Variants in CHML observed in about 807,000 individuals in gnomAD.
CHML encodes CHM like Rab escort protein, also known as rab proteins geranylgeranyltransferase component A 2.
Under a neutral mutation model 30.4 loss-of-function variants are expected in CHML, and 20 were observed. The observed-to-expected ratio is 0.66, with a 90% CI of 0.46 to 0.95. CHML has a LOEUF of 0.95. Ranked by LOEUF, CHML falls within the 40% of genes least tolerant of loss-of-function variation. The probability of loss-of-function intolerance (pLI) is 0.00; values close to 1 mark genes in which losing one functional copy is unlikely to be tolerated. For synonymous variants in CHML, 281 were observed against 275.0 expected, an observed-to-expected ratio of 1.02 and a Z score of -0.22; for missense variants, 795 against 768.5, an observed-to-expected ratio of 1.03 and a Z score of -0.41.
rs1664581302 is a variant in CHML, at chr1:241,630,338, G to A, written c.*3458C>T. ...AGCTCTTTAAACTTGCTTCTATTTA[G>A]GCATCTTTCTTAATTTATCTCTATG... is the stretch of plus-strand genomic sequence containing the variant. On this transcript the variant is annotated 3_prime_UTR_variant, in exon 2 of 2. Transcript: ENST00000366553. 6.6e-6 allele frequency: 1 copy of A among 151,894 alleles called. No homozygotes were observed. The highest frequency in any genetic ancestry group is 2.4e-5 in the African/African-American group (1 of 41,382). The allele number at this position is 151,894 out of a possible 1,614,324, so 9.4% of individuals were successfully genotyped here.
chr1:241,640,075 C>G lies in CHML; in HGVS notation c.-501G>C, dbSNP rs778664915. On this transcript the variant is annotated 5_prime_UTR_variant, in exon 1 of 2. Transcript: ENST00000366553. ...ACTTGTAGTAGAGGACGAGCACCAG[C>G]AGGTTGTTGCCGACGCCCAGCAGCC... 6.2e-7 allele frequency: 1 copy of G among 1,611,112 alleles called. No individual in the cohort carries two copies. Among genetic ancestry groups the G allele is most frequent in the Non-Finnish European group, 8.5e-7 (1 of 1,178,920 alleles).
Position 241,640,230 on chromosome 1 carries a change from C to G in CHML, c.-656G>C. 1 of 1,324,030 alleles carries G rather than the reference C, an allele frequency of 7.6e-7. No individual in the cohort carries two copies. Among genetic ancestry groups the G allele is most frequent in the Non-Finnish European group, 9.6e-7 (1 of 1,044,436 alleles). The allele number at this position is 1,324,030 out of a possible 1,614,324, so 82.0% of individuals were successfully genotyped here. ...CCGCCGCCGTCCCAGTAGCCGTGGCCGCCGCTGCGGTTCCCCGAGTACATG... is the reference window on the plus strand; with the variant it reads ...CCGCCGCCGTCCCAGTAGCCGTGGCGGCCGCTGCGGTTCCCCGAGTACATG... On this transcript the variant is annotated 5_prime_UTR_variant, in exon 1 of 2. Coordinates refer to ENST00000366553, the MANE Select transcript of CHML (RefSeq NM_001381853.1).
Position 241,634,270 on chromosome 1 carries a change from C to G in CHML, c.1497G>C (p.Met499Ile). ...VRVTELCSST[M>I]TCMKDTYLVH... ...CCAGATAGGTGTCCTTCATGCATGT[C>G]ATGGTTGAAGAACATAATTCTGTGA... Residue 499 changes from methionine (M) to isoleucine (I), a missense_variant, in exon 2 of 2, where the codon ATG becomes ATC. Coordinates refer to ENST00000366553, the MANE Select transcript of CHML (RefSeq NM_001381853.1). The G allele has an allele frequency of 6.2e-7, 1 of 1,613,908 alleles. No individual in the cohort carries two copies. The highest frequency in any genetic ancestry group is 1.7e-5 in the Admixed American group (1 of 60,010).
rs1023375387 is a variant in CHML at position 241,632,099 on chromosome 1, T to A, written c.*1697A>T. ...GTTGTGGGAGGAACCTGGTGGGAGA[T>A]AACTGAATCATGGAGTTGTTTCCCC... On this transcript the variant is annotated 3_prime_UTR_variant, in exon 2 of 2. Coordinates refer to ENST00000366553, the MANE Select transcript of CHML (RefSeq NM_001381853.1). 6.6e-6 allele frequency: 1 copy of A among 152,180 alleles called. No individual in the cohort carries two copies. The highest frequency in any genetic ancestry group is 1.5e-5 in the Non-Finnish European group (1 of 68,028). The allele number at this position is 152,180 out of a possible 1,614,324, so 9.4% of individuals were successfully genotyped here. A position where few individuals can be genotyped will look rare whatever the true frequency, so the allele number is the denominator to read the frequency against.
Position 241,634,630 on chromosome 1 carries a change from C to G in CHML, c.1137G>C (p.Leu379Phe). ...CCTGGGGAATTTCTCCTTGGCCATA[C>G]AAGGGAAATAAAAAGGGGGTGTTGC... Reference protein sequence around the residue: ...RFGNTPFLFPLYGQGEIPQGF... With the variant: ...RFGNTPFLFPFYGQGEIPQGF... The change falls in exon 2 of 2, where the codon TTG (leucine) becomes TTC (phenylalanine). Residue 379 changes from leucine to phenylalanine, a missense_variant. By Grantham distance (22) the Leu-to-Phe change is conservative. Transcript: ENST00000366553. 3.1e-6 allele frequency: 5 copies of G among 1,613,826 alleles called. No individual in the cohort carries two copies. Among genetic ancestry groups the G allele is most frequent in the Non-Finnish European group, 3.4e-6 (4 of 1,179,898 alleles).
chr1:241,635,052 ACAG>A lies in CHML; in HGVS notation c.712_714del (p.Leu238del), dbSNP rs1453346640. 3 of 1,613,182 alleles carry A rather than the reference ACAG, an allele frequency of 1.9e-6. No individual in the cohort carries two copies. The highest frequency in any genetic ancestry group is 2.5e-6 in the Non-Finnish European group (3 of 1,179,794). On this transcript the variant is annotated inframe_deletion, in exon 2 of 2. Transcript: ENST00000366553. ...AGATCAATTAGCAATCCTTGAGAAT[ACAG>A]CAGTTTTGACACCAAATCAATATTA...
intron 1 of CHML, 21 bp downstream of exon 1, chr1:241,639,861 C>G (rs1287766434): frequency 1.3e-6 from 2 of 1,512,384 alleles, no homozygotes; most frequent in Non-Finnish European, 1.8e-6. Flanking sequence ...GGGGAGGCTG[C>G]CTTCTCCCAG....
chr1:241,640,037 C>T lies in CHML; in HGVS notation c.-463G>A, dbSNP rs1286795741. 5 of 1,613,012 alleles carry T rather than the reference C, an allele frequency of 3.1e-6. No homozygotes were observed. The highest frequency in any genetic ancestry group is 2.5e-6 in the Non-Finnish European group (3 of 1,179,546). On this transcript the variant is annotated 5_prime_UTR_variant, in exon 1 of 2. Coordinates refer to ENST00000366553, the MANE Select transcript of CHML (RefSeq NM_001381853.1). The stretch of plus-strand genomic sequence containing the variant: ...GACCAGGAGGAGGTGAGTGGGAGTG[C>T]GGAGCCGCTGGAACTTGTAGTAGAG...
chr1:241,634,403 G>C lies in CHML; in HGVS notation c.1364C>G (p.Ser455Cys). Residue 455 changes from serine to cysteine, a missense_variant, in exon 2 of 2, where the codon TCT becomes TGT. Ser to Cys is a moderately radical substitution (Grantham distance 112). Transcript: ENST00000366553. The part of the protein sequence containing the change: ...TCSNVQYKQI[S>C]RAVLITDQSI... ...CTGATCTGTAATGAGTACTGCCCTAGAGATCTGCTTATACTGCACATTTGA... is the reference window on the plus strand; with the variant it reads ...CTGATCTGTAATGAGTACTGCCCTACAGATCTGCTTATACTGCACATTTGA... The C allele has an allele frequency of 6.2e-7, 1 of 1,613,776 alleles. No individual in the cohort carries two copies. The highest frequency in any genetic ancestry group is 8.5e-7 in the Non-Finnish European group (1 of 1,179,896).
In CHML at chr1:241,631,889, A is replaced by C. The variant is rs2148023215; in HGVS notation, c.*1907T>G. The C allele has an allele frequency of 1.3e-5, 2 of 152,244 alleles. 1 individual carries two copies. The highest frequency in any genetic ancestry group is 4.1e-4 in the South Asian group (2 of 4,826). 9.4% of individuals were successfully genotyped at this position (152,244 alleles called of 1,614,324 possible). A position where few individuals can be genotyped will look rare whatever the true frequency, so the allele number is the denominator to read the frequency against. On this transcript the variant is annotated 3_prime_UTR_variant, in exon 2 of 2. Transcript: ENST00000366553. Reference sequence around the variant, plus strand: ...GCAGCGCCTACACTCTCTAACAGTGAATGTTAGTAGAAAGATCAAAGGTTT... The same window carrying C: ...GCAGCGCCTACACTCTCTAACAGTGCATGTTAGTAGAAAGATCAAAGGTTT...
At position 241,635,090 on chromosome 1, in the gene CHML, C is replaced by A; in HGVS notation, c.677G>T (p.Gly226Val). ...CACCAAATCAATATTAAACCTCCTGCCTTCTTTAACTATTTGAGAGTAAGT... is the reference window on the plus strand; with the variant it reads ...CACCAAATCAATATTAAACCTCCTGACTTCTTTAACTATTTGAGAGTAAGT... ...RITYSQIVKE[G>V]RRFNIDLVSK... is the part of the protein sequence containing the mutation. The change falls in exon 2 of 2, where the codon GGC (glycine) becomes GTC (valine). Residue 226 changes from glycine (G) to valine (V), a missense_variant. Physicochemically the swap from Gly to Val is moderately radical, Grantham distance 109. Coordinates refer to ENST00000366553, the MANE Select transcript of CHML (RefSeq NM_001381853.1). 2 of 1,612,808 alleles carry A rather than the reference C, an allele frequency of 1.2e-6. No individual in the cohort carries two copies. Among genetic ancestry groups the A allele is most frequent in the Non-Finnish European group, 1.7e-6 (2 of 1,179,844 alleles).
Position 241,635,958 on chromosome 1 carries a change from G to A in CHML, c.-192C>T. On this transcript the variant is annotated 5_prime_UTR_variant, in exon 2 of 2. Transcript: ENST00000366553. ...GTCAGTAGCATAAAAACATGAGCAA[G>A]TACATCTAATCACATCTGAGAATAC... is the stretch of plus-strand genomic sequence containing the variant. The A allele has an allele frequency of 3.4e-6, 2 of 580,064 alleles. No homozygotes were observed. Among genetic ancestry groups the A allele is most frequent in the South Asian group, 2.5e-5 (1 of 40,526 alleles). The allele number at this position is 580,064 out of a possible 1,614,324, so 35.9% of individuals were successfully genotyped here.
Position 241,634,745 on chromosome 1 carries a change from T to C in CHML, c.1022A>G (p.His341Arg). 6.2e-7 allele frequency: 1 copy of C among 1,613,980 alleles called. No individual in the cohort carries two copies. Among genetic ancestry groups the C allele is most frequent in the South Asian group, 1.1e-5 (1 of 91,070 alleles). ...TGATTCTGATGTCATTGCAATTGAGTGCAGTACAAAATGTTGAAGGTTGGG... is the reference window on the plus strand; with the variant it reads ...TGATTCTGATGTCATTGCAATTGAGCGCAGTACAAAATGTTGAAGGTTGGG... ...LTPNLQHFVL[H>R]SIAMTSESSC... Residue 341 changes from histidine (H) to arginine (R), a missense_variant, in exon 2 of 2, where the codon CAC becomes CGC. Coordinates refer to ENST00000366553, the MANE Select transcript of CHML (RefSeq NM_001381853.1).
At position 241,632,568 on chromosome 1, in the gene CHML, G is replaced by C. The variant is rs1025809273; in HGVS notation, c.*1228C>G. 5 of 152,066 alleles carry C rather than the reference G, an allele frequency of 3.3e-5. No homozygotes were observed. The highest frequency in any genetic ancestry group is 1.2e-4 in the African/African-American group (5 of 41,398). The allele number at this position is 152,066 out of a possible 1,614,324, so 9.4% of individuals were successfully genotyped here. A position where few individuals can be genotyped will look rare whatever the true frequency, so the allele number is the denominator to read the frequency against. On this transcript the variant is annotated 3_prime_UTR_variant, in exon 2 of 2. Transcript: ENST00000366553. ...AGCTCCACAGGTTTTCACCATTAGA[G>C]TACTACCAGTTTTATGACGTTGGGT... is the stretch of plus-strand genomic sequence containing the variant.
chr1:241,634,016 A>C lies in CHML; in HGVS notation c.1751T>G (p.Leu584Arg), dbSNP rs1278882189. The C allele has an allele frequency of 2.5e-6, 4 of 1,613,870 alleles. No individual in the cohort carries two copies. The South Asian group carries it at 4.4e-5, about 18-fold the overall frequency. ...VYVCSGPDCGLGNEHAVKQAE... is the reference protein window; with the variant it reads ...VYVCSGPDCGRGNEHAVKQAE... ...TTGCTTGACAGCATGCTCATTTCCCAGGCCACAGTCAGGCCCAGAGCAGAC... is the reference window on the plus strand; with the variant it reads ...TTGCTTGACAGCATGCTCATTTCCCCGGCCACAGTCAGGCCCAGAGCAGAC... The change falls in exon 2 of 2, where the codon CTG (leucine) becomes CGG (arginine). Residue 584 changes from leucine to arginine, a missense_variant. Coordinates refer to ENST00000366553, the MANE Select transcript of CHML (RefSeq NM_001381853.1).
intron 1 of CHML, chr1:241,639,286 T>G (rs1187226114): frequency 6.6e-6 from 1 of 152,246 alleles, no homozygotes; most frequent in African/African-American, 2.4e-5. Context: ...ACAGGGCACA[T>G]GCCAATTTGC....
At chr1:241,636,832 A>G (rs1013194489) in intron 1 of CHML, among the ~76,000 whole-genome samples, 1 of 152,196 alleles carries the variant, frequency 6.6e-6, no homozygotes, top group East Asian at 1.9e-4. Context: ...ATTTGAATAC[A>G]GTGATGTTTG....
rs1448592245 is a variant in CHML, at chr1:241,640,267, G to T, written c.-693C>A. ...TCCCCGAGTACATGGCCCGGCGCCG[G>T]CGCGCCTGGCGGGCGGAGGCGCTCA... On this transcript the variant is annotated 5_prime_UTR_variant, in exon 1 of 2. Transcript: ENST00000366553. 37 of 1,187,020 alleles carry T rather than the reference G, an allele frequency of 3.1e-5. No individual in the cohort carries two copies. The highest frequency in any genetic ancestry group is 3.6e-5 in the Non-Finnish European group (35 of 961,350). The allele number at this position is 1,187,020 out of a possible 1,614,324, so 73.5% of individuals were successfully genotyped here. A position where few individuals can be genotyped will look rare whatever the true frequency, so the allele number is the denominator to read the frequency against.
In CHML at chr1:241,635,451, T is replaced by C. The variant is rs750330183; in HGVS notation, c.316A>G (p.Ser106Gly). Residue 106 changes from serine to glycine, a missense_variant, in exon 2 of 2, where the codon AGT becomes GGT. Transcript: ENST00000366553. ...TCAACGTTGTCCTCCATATCCTGACTGGCGTAGCAAAAAGCTTCTGTGTGT... is the reference window on the plus strand; with the variant it reads ...TCAACGTTGTCCTCCATATCCTGACCGGCGTAGCAAAAAGCTTCTGTGTGT... ...IQHTEAFCYA[S>G]QDMEDNVEEI... 2.5e-5 allele frequency: 40 copies of C among 1,613,772 alleles called. No individual in the cohort carries two copies. The highest frequency in any genetic ancestry group is 3.1e-5 in the Non-Finnish European group (37 of 1,179,938).
Sources: gnomAD v4.1 joint callset for allele counts (sites outside exome capture counted in the v4.1 genomes callset) on GRCh38, gnomAD v4.1.1 for gene constraint, MANE v1.5 for transcripts, NCBI Gene and HGNC (gene_info 2026-07-23, HGNC 2026-07-21) for gene names.